Variants in SLC44A5 observed in about 807,000 individuals in gnomAD.
SLC44A5 encodes the protein solute carrier family 44 member 5.
In SLC44A5, 57 loss-of-function variants were observed where a neutral mutation model predicts 101.8. That is an observed-to-expected ratio of 0.56 (90% CI 0.45 to 0.70). The LOEUF is 0.70. Ranked by LOEUF, SLC44A5 falls within the 30% of genes least tolerant of loss-of-function variation. SLC44A5 has a pLI of 0.00. For missense variants in SLC44A5, 737 were observed against 853.1 expected, an observed-to-expected ratio of 0.86 and a Z score of 1.70; for synonymous variants, 281 against 290.9, an observed-to-expected ratio of 0.97 and a Z score of 0.35.
the SLC44A5 span, among the ~76,000 whole-genome samples, chr1:75,617,390 A>G: frequency 3.0e-3 from 462 of 152,250 alleles, 5 homozygotes; most frequent in African/African-American, 0.011. Context: ...CAAAAACCCC[A>G]ATTGTGAATT....
At chr1:75,497,451 G>T (rs1247618217) in intron 2 of SLC44A5, among the ~76,000 whole-genome samples, 1 of 152,132 alleles carries the variant, frequency 6.6e-6, no homozygotes, top group Non-Finnish European at 1.5e-5. Flanking sequence ...CATAGAAGAA[G>T]AGAGTACAAT....
chr1:75,479,556 T>G lies in SLC44A5; in HGVS notation c.13+61879A>C, dbSNP rs1302909616. ...AGAATCAAATAGATGCAATAAAAAA[T>G]GATAAAGGGGATATCACCACTGATC... On this transcript the variant is annotated intron_variant, in intron 2 of 23. Transcript: ENST00000370859. Among the ~76,000 whole-genome samples the G allele has an allele frequency of 4.6e-5, 7 of 151,826 alleles. No homozygotes were observed. In the East Asian group the frequency reaches 1.4e-3, roughly 29 times the overall value.
intron 1 of SLC44A5, among the ~76,000 whole-genome samples, chr1:75,587,062 T>G (rs1674049173): frequency 1.3e-5 from 2 of 152,162 alleles, no homozygotes; most frequent in Non-Finnish European, 2.9e-5. Context: ...GAGACATTTT[T>G]GTATGTCACA....
At chr1:75,258,630 G>T (rs114959053) in intron 6 of SLC44A5, among the ~76,000 whole-genome samples, 3,363 of 152,254 alleles carry the variant, frequency 0.022, 170 homozygotes, top group African/African-American at 0.077. Context: ...CCTGCTGGCA[G>T]CTCTGAAGAG....
At chr1:75,445,816 A>C (rs1015190817) in intron 2 of SLC44A5, among the ~76,000 whole-genome samples, 2 of 152,074 alleles carry the variant, frequency 1.3e-5, no homozygotes, top group African/African-American at 4.8e-5. Context: ...AAAGCACCTC[A>C]AGTTCAACAT....
chr1:75,365,535 G>C (rs1274647979), intron 3 of SLC44A5, among the ~76,000 whole-genome samples: 1 of 152,082 alleles, frequency 6.6e-6, no homozygotes, highest in African/African-American at 2.4e-5. Context: ...TCCCATTACT[G>C]GGTATATACC....
At chr1:75,284,341 A>C (rs1557620292) in intron 5 of SLC44A5, among the ~76,000 whole-genome samples, 1 of 152,070 alleles carries the variant, frequency 6.6e-6, no homozygotes, top group African/African-American at 2.4e-5. Context: ...ATTTGTGTAC[A>C]TTGATTTTGT....
intron 3 of SLC44A5, among the ~76,000 whole-genome samples, chr1:75,353,359 T>A (rs1193883401): frequency 2.6e-5 from 4 of 152,182 alleles, no homozygotes; most frequent in East Asian, 3.8e-4. Flanking sequence ...GATATAATAA[T>A]TTTTTGACTA....
the SLC44A5 span, among the ~76,000 whole-genome samples, chr1:75,696,759 C>A: frequency 1.0e-3 from 152 of 152,086 alleles, no homozygotes; most frequent in African/African-American, 3.5e-3. Context: ...AAAAATTAGC[C>A]AGGCGTGGTT....
At chr1:75,300,865 C>T (rs930880421) in intron 4 of SLC44A5, among the ~76,000 whole-genome samples, 180 bp from the exon 5 acceptor site, 1 of 152,032 alleles carries the variant, frequency 6.6e-6, no homozygotes, top group African/African-American at 2.4e-5. Flanking sequence ...CATTAGCAGC[C>T]GTGGAGGGGC....
At chr1:75,502,661 G>A (rs1030340739) in intron 2 of SLC44A5, among the ~76,000 whole-genome samples, 6 of 151,372 alleles carry the variant, frequency 4.0e-5, no homozygotes, top group African/African-American at 1.5e-4. Context: ...CCATTAACTG[G>A]TCATTTAGCA....
the SLC44A5 span, among the ~76,000 whole-genome samples, chr1:75,678,705 C>G: frequency 6.6e-6 from 1 of 151,620 alleles, no homozygotes; most frequent in Non-Finnish European, 1.5e-5. Context: ...ATCAGAGCGC[C>G]TCTCCTCCTC....
chr1:75,368,798 T>G (rs913673733), intron 3 of SLC44A5, among the ~76,000 whole-genome samples: 1 of 152,222 alleles, frequency 6.6e-6, no homozygotes, highest in African/African-American at 2.4e-5. Context: ...GAGAATGTTC[T>G]GCATGTTTAC....
chr1:75,467,031 AT>A (rs1666860393), intron 2 of SLC44A5, among the ~76,000 whole-genome samples: 1 of 152,188 alleles, frequency 6.6e-6, no homozygotes, highest in African/African-American at 2.4e-5. Context: ...ACATTTCTAT[AT>A]GCCAATAATA....
chr1:75,403,155 C>G lies in SLC44A5; in HGVS notation c.14-6534G>C, dbSNP rs187609065. Among the ~76,000 whole-genome samples, 87 of 152,338 alleles carry G rather than the reference C, an allele frequency of 5.7e-4. 1 individual carries two copies. Among genetic ancestry groups the G allele is most frequent in the South Asian group, 2.3e-3 (11 of 4,830 alleles). On this transcript the variant is annotated intron_variant, in intron 2 of 23. Transcript: ENST00000370859. The stretch of plus-strand genomic sequence containing the variant: ...CAGACTGCCTCTCTAGATTCCAACT[C>G]TCTGGGCAGGGCATCTCTGAAAGAA...
chr1:75,242,152 C>T, intron 8 of SLC44A5, 91 bp from the exon 9 acceptor site: 1 of 857,898 alleles, frequency 1.2e-6, no homozygotes, highest in Non-Finnish European at 1.9e-6. Context: ...AAATTTAACT[C>T]CATAATAATC....
intron 4 of SLC44A5, among the ~76,000 whole-genome samples, chr1:75,330,166 TAC>T (rs1656931869): frequency 8.1e-6 from 1 of 123,016 alleles, no homozygotes; most frequent in African/African-American, 3.6e-5. Context: ...TGCATATATA[TAC>T]GTATATATGC....
chr1:75,621,304 C>T, the SLC44A5 span, among the ~76,000 whole-genome samples: 4 of 152,122 alleles, frequency 2.6e-5, no homozygotes, highest in Middle Eastern at 3.4e-3. Context: ...AGTTACATGT[C>T]GTATAATCAT....
At chr1:75,522,577 C>T (rs1241846209) in intron 2 of SLC44A5, among the ~76,000 whole-genome samples, 1 of 152,062 alleles carries the variant, frequency 6.6e-6, no homozygotes, top group Non-Finnish European at 1.5e-5. Context: ...AACTCCAGCA[C>T]AAGAATGTGT....
Sources: allele counts gnomAD v4.1 joint callset (sites outside exome capture counted in the v4.1 genomes callset), GRCh38; gene constraint gnomAD v4.1.1; transcripts MANE v1.5; gene names NCBI Gene and HGNC (gene_info 2026-07-23, HGNC 2026-07-21).